Variants in ERICH1 observed in about 807,000 individuals in gnomAD.
The protein encoded by ERICH1 is glutamate rich 1, also known as glutamate-rich protein 1.
ERICH1 carries 56 observed loss-of-function variants against 39.6 expected under a neutral mutation model. The observed-to-expected ratio is 1.41, with a 90% CI of 1.14 to 1.77. The LOEUF (loss-of-function observed/expected upper bound fraction) is 1.77, where lower values mean the gene tolerates loss of function less well. ERICH1 is among the 40% of genes most tolerant of loss of function. The pLI, the probability that ERICH1 is intolerant of heterozygous loss-of-function variation, is 0.00. For missense variants in ERICH1, 826 were observed against 575.4 expected, an observed-to-expected ratio of 1.44 and a Z score of -4.45; for synonymous variants, 313 against 223.6, an observed-to-expected ratio of 1.40 and a Z score of -3.57.
At chr8:668,287 G>A in intron 5 of ERICH1, 1 of 394,488 alleles carries the variant, frequency 2.5e-6, no homozygotes, top group Non-Finnish European at 4.7e-6. Flanking sequence ...CAGCAGTAGA[G>A]GAGAAGGAAA....
intron 2 of ERICH1, among the ~76,000 whole-genome samples, chr8:705,474 T>A (rs576733979): frequency 1.2e-4 from 19 of 152,146 alleles, no homozygotes; most frequent in Non-Finnish European, 2.5e-4. Context: ...TTCAAAAATA[T>A]GTTGTTCATG....
chr8:698,392 T>C (rs1490817893), intron 2 of ERICH1, among the ~76,000 whole-genome samples: 4 of 152,056 alleles, frequency 2.6e-5, no homozygotes, highest in Non-Finnish European at 5.9e-5. Context: ...ATAATTTTTG[T>C]ACTTTTAGTA....
chr8:633,978 T>C (rs1482814800), intron 3 of ERICH1, among the ~76,000 whole-genome samples: 1 of 152,134 alleles, frequency 6.6e-6, no homozygotes, highest in African/African-American at 2.4e-5. Flanking sequence ...CAGTGACTTC[T>C]TGAAGGTGAC....
At chr8:654,298 C>G (rs767757245) in intron 3 of ERICH1, among the ~76,000 whole-genome samples, 1 of 152,164 alleles carries the variant, frequency 6.6e-6, no homozygotes, top group African/African-American at 2.4e-5. Context: ...TTAATTGAGG[C>G]CCGTTAACTT....
At chr8:682,923 A>C (rs1806455293) in intron 3 of ERICH1, among the ~76,000 whole-genome samples, 1 of 151,892 alleles carries the variant, frequency 6.6e-6, no homozygotes, top group Non-Finnish European at 1.5e-5. Context: ...TCTAGGTGCT[A>C]AATAAAAAGT....
At chr8:691,014 G>C (rs2132054539) in intron 3 of ERICH1, 1 of 152,442 alleles carries the variant, frequency 6.6e-6, no homozygotes, top group Non-Finnish European at 1.5e-5. Context: ...GCTTCTCCTG[G>C]CCTCTGGCTC....
intron 3 of ERICH1, among the ~76,000 whole-genome samples, chr8:655,490 C>T (rs917036816): frequency 6.6e-6 from 1 of 152,220 alleles, no homozygotes; most frequent in Non-Finnish European, 1.5e-5. Flanking sequence ...GGTGCACCAG[C>T]ACCTGCCCTT....
intron 1 of ERICH1, among the ~76,000 whole-genome samples, chr8:728,530 C>A (rs1035257480): frequency 4.6e-5 from 7 of 152,192 alleles, no homozygotes; most frequent in Non-Finnish European, 1.0e-4. Flanking sequence ...CCACTCCAGG[C>A]TCCCCTGACC....
At chr8:684,679 A>G (rs1806894290) in intron 3 of ERICH1, among the ~76,000 whole-genome samples, 1 of 152,076 alleles carries the variant, frequency 6.6e-6, no homozygotes, top group Admixed American at 6.6e-5. Context: ...GTTCTTTTCT[A>G]TTTTCCCTAA....
At chr8:617,386 G>A (rs1405865543) in intron 3 of ERICH1, among the ~76,000 whole-genome samples, 1 of 152,180 alleles carries the variant, frequency 6.6e-6, no homozygotes, top group African/African-American at 2.4e-5. Context: ...ACCGTTCTCA[G>A]CACTGATCAC....
At chr8:620,887 T>G (rs1470294985) in intron 3 of ERICH1, among the ~76,000 whole-genome samples, 1 of 152,086 alleles carries the variant, frequency 6.6e-6, no homozygotes, top group African/African-American at 2.4e-5. Flanking sequence ...AGGCAGAAGA[T>G]CCACACAGAA....
chr8:708,081 G>T (rs894374531), intron 2 of ERICH1, among the ~76,000 whole-genome samples: 1 of 151,760 alleles, frequency 6.6e-6, no homozygotes, highest in African/African-American at 2.4e-5. Context: ...AAACCACAAT[G>T]AGATACCACT....
chr8:729,532 G>T (rs966324234), intron 1 of ERICH1, among the ~76,000 whole-genome samples: 1 of 152,204 alleles, frequency 6.6e-6, no homozygotes, highest in Admixed American at 6.5e-5. Flanking sequence ...CCTCCCTTCA[G>T]TGCCTCTCAG....
intron 5 of ERICH1, among the ~76,000 whole-genome samples, chr8:664,969 C>T (rs1801965755): frequency 6.6e-6 from 1 of 152,090 alleles, no homozygotes; most frequent in Non-Finnish European, 1.5e-5. Context: ...CATCACATTG[C>T]AATATTATAG....
intron 3 of ERICH1, among the ~76,000 whole-genome samples, chr8:632,634 G>A (rs780644276): frequency 1.3e-5 from 2 of 152,312 alleles, no homozygotes; most frequent in Middle Eastern, 6.8e-3. Context: ...AGGGGCAGAC[G>A]TTATGAACAT....
At chr8:655,283 C>G (rs751281839) in intron 3 of ERICH1, among the ~76,000 whole-genome samples, 1 of 152,222 alleles carries the variant, frequency 6.6e-6, no homozygotes, top group Non-Finnish European at 1.5e-5. Flanking sequence ...TTCACTCTTA[C>G]GCTCAGACGC....
chr8:679,673 C>G (rs1256305617), intron 3 of ERICH1, among the ~76,000 whole-genome samples: 1 of 152,226 alleles, frequency 6.6e-6, no homozygotes, highest in Non-Finnish European at 1.5e-5. Context: ...TACCGGATAC[C>G]TACAAGAACC....
intron 5 of ERICH1, chr8:668,371 G>A (rs1802607118): frequency 1.1e-5 from 6 of 562,740 alleles, no homozygotes; most frequent in East Asian, 6.0e-5. Flanking sequence ...TCCCAAGTCC[G>A]GAAACTTAGA....
downstream of ERICH1, among the ~76,000 whole-genome samples, chr8:662,216 G>C (rs1801523582): frequency 6.6e-6 from 1 of 152,284 alleles, no homozygotes; most frequent in African/African-American, 2.4e-5. Context: ...CCCTGCAATG[G>C]TGCATTCACT....
Sources: gnomAD v4.1 joint callset for allele counts (sites outside exome capture counted in the v4.1 genomes callset) on GRCh38, gnomAD v4.1.1 for gene constraint, MANE v1.5 for transcripts, NCBI Gene and HGNC (gene_info 2026-07-23, HGNC 2026-07-21) for gene names.